Variants in RELCH observed in about 807,000 individuals in gnomAD.
RELCH encodes RAB11-binding protein RELCH.
In RELCH, 41 loss-of-function variants were observed where a neutral mutation model predicts 150.3. The ratio of observed to expected loss-of-function variants is 0.27; its 90% CI spans 0.21 to 0.35. The LOEUF is 0.35. Among genes scored for constraint, RELCH ranks in the 10% least tolerant of loss-of-function variants. The pLI is 1.00. For missense variants in RELCH, 1,092 were observed against 1,467.8 expected, an observed-to-expected ratio of 0.74 and a Z score of 4.18; for synonymous variants, 478 against 531.8, an observed-to-expected ratio of 0.90 and a Z score of 1.39.
rs114981405 is a variant in RELCH at position 62,195,883 on chromosome 18, A to C, written c.526+7852A>C. Among the ~76,000 whole-genome samples the C allele has an allele frequency of 7.1e-3, 1,075 of 152,132 alleles. 14 individuals carry two copies. The highest frequency in any genetic ancestry group is 0.025 in the African/African-American group (1,027 of 41,510). On this transcript the variant is annotated intron_variant, in intron 1 of 28. Transcript: ENST00000644646. ...GCCAATTTTTTTATTTTTGGTAGAG[A>C]CCAGGTTTTACCACGTTGGCCAGGC...
intron 26 of RELCH, among the ~76,000 whole-genome samples, chr18:62,291,151 C>T (rs542779718): frequency 7.2e-5 from 11 of 152,268 alleles, no homozygotes; most frequent in African/African-American, 2.6e-4. Flanking sequence ...ATGTTTTAAG[C>T]AATTTGCATT....
At chr18:62,199,618 A>G (rs1234003116) in intron 1 of RELCH, among the ~76,000 whole-genome samples, 1 of 152,224 alleles carries the variant, frequency 6.6e-6, no homozygotes, top group African/African-American at 2.4e-5. Flanking sequence ...TTTACTTTAT[A>G]TCCGATTTCC....
chr18:62,264,705 A>G, intron 17 of RELCH, 24 bp from the exon 18 acceptor site: 2 of 1,545,878 alleles, frequency 1.3e-6, no homozygotes, highest in Non-Finnish European at 1.8e-6. Flanking sequence ...TCCCCTGCCT[A>G]TTTTTCTTTC....
At position 62,205,009 on chromosome 18, in the gene RELCH, T is replaced by A. The variant is rs749272709; in HGVS notation, c.527-6144T>A. Among the ~76,000 whole-genome samples, 158 of 152,228 alleles carry A rather than the reference T, an allele frequency of 1.0e-3. 2 individuals carry two copies. Among genetic ancestry groups the A allele is most frequent in the Non-Finnish European group, 9.0e-4 (61 of 68,040 alleles). ...GAAAAGTTCAAAGCATACAGACAAG[T>A]TGAAAGAATTTTTTACCCATACATC... On this transcript the variant is annotated intron_variant, in intron 1 of 28. Coordinates refer to ENST00000644646, the MANE Select transcript of RELCH (RefSeq NM_001346231.2).
At chr18:62,274,712 C>T (rs576011421) in intron 21 of RELCH, among the ~76,000 whole-genome samples, 157 of 152,292 alleles carry the variant, frequency 1.0e-3, no homozygotes, top group African/African-American at 3.5e-3. Context: ...GTAATTTACC[C>T]ACTTGACTCT....
At chr18:62,266,103 C>T (rs1314156554) in intron 18 of RELCH, among the ~76,000 whole-genome samples, 4 of 151,558 alleles carry the variant, frequency 2.6e-5, no homozygotes, top group Non-Finnish European at 5.9e-5. Context: ...TGGTTGTCTT[C>T]AGTGGCCTGA....
intron 1 of RELCH, among the ~76,000 whole-genome samples, chr18:62,203,682 T>G (rs1440303910): frequency 1.3e-5 from 2 of 152,098 alleles, no homozygotes; most frequent in Non-Finnish European, 2.9e-5. Flanking sequence ...ATATTGCAAT[T>G]TCTCACTATA....
chr18:62,230,392 G>C (rs1005161604), intron 8 of RELCH, among the ~76,000 whole-genome samples: 2 of 152,078 alleles, frequency 1.3e-5, no homozygotes, highest in African/African-American at 2.4e-5. Context: ...GCATAAAACA[G>C]CAAAAGGCTC....
chr18:62,235,398 A>G (rs1240509217), intron 10 of RELCH: 4 of 152,052 alleles, frequency 2.6e-5, no homozygotes, highest in Admixed American at 1.3e-4. Flanking sequence ...ATTGGGATAT[A>G]TGAGTCCTCT....
intron 25 of RELCH, among the ~76,000 whole-genome samples, chr18:62,282,701 A>C (rs936591773): frequency 6.6e-6 from 1 of 152,220 alleles, no homozygotes; most frequent in Non-Finnish European, 1.5e-5. Context: ...TCTGTCACCC[A>C]AGCTGGAGTG....
intron 5 of RELCH, among the ~76,000 whole-genome samples, chr18:62,225,995 C>T (rs1367714624): frequency 6.6e-6 from 1 of 151,936 alleles, no homozygotes; most frequent in Non-Finnish European, 1.5e-5. Context: ...AAATTTCATA[C>T]TTCCTCTGGT....
chr18:62,226,800 T>C (rs2041245111), intron 5 of RELCH, among the ~76,000 whole-genome samples: 1 of 152,152 alleles, frequency 6.6e-6, no homozygotes, highest in South Asian at 2.1e-4. Context: ...TATTGGATAC[T>C]GGAAAGTGTA....
At chr18:62,250,160 C>T (rs1249089048) in intron 11 of RELCH, among the ~76,000 whole-genome samples, 1 of 152,052 alleles carries the variant, frequency 6.6e-6, no homozygotes, top group Admixed American at 6.6e-5. Context: ...CTAATCTTTT[C>T]TGTTTTGGAC....
Position 62,305,335 on chromosome 18 carries a change from T to C in RELCH, c.3531-79T>C. 1 of 1,286,624 alleles carries C rather than the reference T, an allele frequency of 7.8e-7. No homozygotes were observed. Among genetic ancestry groups the C allele is most frequent in the South Asian group, 1.5e-5 (1 of 67,038 alleles). The allele number at this position is 1,286,624 out of a possible 1,614,324, so 79.7% of individuals were successfully genotyped here. On this transcript the variant is annotated intron_variant, in intron 28 of 28. Coordinates refer to ENST00000644646, the MANE Select transcript of RELCH (RefSeq NM_001346231.2). The surrounding 1 kb of genome is among the most constrained non-coding windows in gnomAD (Gnocchi z 4.0). ...GTGACGCCAATTCAGAGTGTGTTCG[T>C]TAATGATATGCTACTAAATAAATGA... is the stretch of plus-strand genomic sequence containing the variant.
chr18:62,189,842 A>C (rs904964324), intron 1 of RELCH, among the ~76,000 whole-genome samples: 12 of 152,194 alleles, frequency 7.9e-5, no homozygotes, highest in Admixed American at 2.6e-4. Context: ...TCTTGAAATA[A>C]CTAGAGTCTT....
At chr18:62,295,566 A>G (rs1318053571) in intron 27 of RELCH, among the ~76,000 whole-genome samples, 1 of 151,810 alleles carries the variant, frequency 6.6e-6, no homozygotes, top group East Asian at 1.9e-4. Context: ...TGATATATGA[A>G]TTTAAGGGTT....
chr18:62,187,566 G>T lies in RELCH; in HGVS notation c.61G>T (p.Asp21Tyr). 2 of 1,519,444 alleles carry T rather than the reference G, an allele frequency of 1.3e-6. No homozygotes were observed. Among genetic ancestry groups the T allele is most frequent in the Non-Finnish European group, 1.8e-6 (2 of 1,134,456 alleles). 94.1% of individuals were successfully genotyped at this position (1,519,444 alleles called of 1,614,324 possible). The change falls in exon 1 of 29, where the codon GAT (aspartate) becomes TAT (tyrosine). Residue 21 changes from aspartate to tyrosine, a missense_variant. Asp to Tyr is a radical substitution (Grantham distance 160). This residue lies in a region of RELCH where 138 missense variants were observed against 124.8 expected (regional missense o/e 1.11). Transcript: ENST00000644646. Reference sequence around the variant, plus strand: ...TGGCGGCGTGAATCCATTTCTCAGTGATTCGGATGAGGACGATGACGAGGT... The same window carrying T: ...TGGCGGCGTGAATCCATTTCTCAGTTATTCGGATGAGGACGATGACGAGGT... ...SGGGVNPFLS[D>Y]SDEDDDEVAA...
intron 1 of RELCH, among the ~76,000 whole-genome samples, chr18:62,204,241 A>T (rs1568308104): frequency 6.6e-6 from 1 of 152,180 alleles, no homozygotes; most frequent in African/African-American, 2.4e-5. Context: ...GTAATAAAAA[A>T]TATTGGAGAA....
Position 62,221,215 on chromosome 18 carries a change from C to T in RELCH, c.689-4C>T. 1.2e-6 allele frequency: 2 copies of T among 1,607,918 alleles called. No homozygotes were observed. The highest frequency in any genetic ancestry group is 1.7e-6 in the Non-Finnish European group (2 of 1,175,214). On this transcript the variant is annotated splice_region_variant and splice_polypyrimidine_tract_variant and intron_variant, in intron 3 of 28. Transcript: ENST00000644646. ...AAAATAGTACTTATGTTTTTTTCCA[C>T]CAGAACATGAAGTTCCTTTACAGGA...
Sources: gnomAD v4.1 joint callset for allele counts (sites outside exome capture counted in the v4.1 genomes callset) on GRCh38, gnomAD v4.1.1 for gene constraint, gnomAD v4.1.1 regional missense constraint, Gnocchi (gnomAD v3.1) non-coding constraint, MANE v1.5 for transcripts, NCBI Gene and HGNC (gene_info 2026-07-23, HGNC 2026-07-21) for gene names.